VPS33B: variants seen among roughly 807,000 people sequenced by gnomAD.
The protein encoded by VPS33B is vacuolar protein sorting-associated protein 33B.
Under a neutral mutation model 95.3 loss-of-function variants are expected in VPS33B, and 80 were observed. The observed-to-expected ratio is 0.84, with a 90% CI of 0.70 to 1.01. The LOEUF (loss-of-function observed/expected upper bound fraction) is 1.01, where lower values mean the gene tolerates loss of function less well. Ranked by LOEUF, VPS33B falls within the 50% of genes least tolerant of loss-of-function variation. The pLI, the probability that VPS33B is intolerant of heterozygous loss-of-function variation, is 0.00. For missense variants in VPS33B, 715 were observed against 773.4 expected (o/e 0.92, Z 0.90); for synonymous variants, 280 against 280.4 (o/e 1.00, Z 0.01).
At position 91,022,316 on chromosome 15, in the gene VPS33B, A is replaced by C; in HGVS notation, c.-67T>G. 2 of 1,473,124 alleles carry C rather than the reference A, an allele frequency of 1.4e-6. No individual in the cohort carries two copies. The allele number at this position is 1,473,124 out of a possible 1,614,324, so 91.3% of individuals were successfully genotyped here. Reference sequence around the variant, plus strand: ...GTTCTGAGAAGGCCGGCCGCAGCCCAGGGAAGCGCAAGGGGGGCTATCCTT... The same window carrying C: ...GTTCTGAGAAGGCCGGCCGCAGCCCCGGGAAGCGCAAGGGGGGCTATCCTT... On this transcript the variant is annotated 5_prime_UTR_variant, in exon 1 of 23. Transcript: ENST00000333371.
intron 16 of VPS33B, among the ~76,000 whole-genome samples, chr15:91,004,208 G>A (rs1159072374): frequency 2.1e-5 from 3 of 145,084 alleles, no homozygotes; most frequent in Non-Finnish European, 3.0e-5. Context: ...AGGCAACAGA[G>A]CAAGACTCTG....
Position 91,005,580 on chromosome 15 carries a change from A to G in VPS33B, c.1030+114T>C. The G allele has an allele frequency of 6.4e-7, 1 of 1,574,470 alleles. No homozygotes were observed. Among genetic ancestry groups the G allele is most frequent in the Non-Finnish European group, 8.7e-7 (1 of 1,143,946 alleles). On this transcript the variant is annotated intron_variant, in intron 13 of 22. Coordinates refer to ENST00000333371, the MANE Select transcript of VPS33B (RefSeq NM_018668.5). This position sits in a 1 kb window ranked among gnomAD's most constrained non-coding sequence, Gnocchi z 6.4. ...CACTTCTTCCCACTTTACACCAAGT[A>G]AGACCATATGCATCAGATGAACAGG...
At chr15:91,016,589 A>G (rs960620592) in intron 3 of VPS33B, among the ~76,000 whole-genome samples, 2 of 151,882 alleles carry the variant, frequency 1.3e-5, no homozygotes, top group Admixed American at 1.3e-4. Flanking sequence ...TCACCATGAT[A>G]GCTAGGCTGG....
At position 91,017,819 on chromosome 15, in the gene VPS33B, C is replaced by T. The variant is rs763310786; in HGVS notation, c.163G>A (p.Val55Ile). 16 of 1,614,126 alleles carry T rather than the reference C, an allele frequency of 9.9e-6. No homozygotes were observed. The highest frequency in any genetic ancestry group is 1.3e-5 in the Non-Finnish European group (15 of 1,180,004). The change falls in exon 2 of 23, where the codon GTC becomes ATC. Residue 55 changes from valine to isoleucine, a missense_variant. Coordinates refer to ENST00000333371, the MANE Select transcript of VPS33B (RefSeq NM_018668.5). Reference protein sequence around the residue: ...LMSPLDRIANVSILKQHEVDK... With the variant: ...LMSPLDRIANISILKQHEVDK... ...AGGGACAGTACCTTCAGGATGGAGA[C>T]ATTGGCAATTCGATCCAAAGGGCTC...
At position 91,000,739 on chromosome 15, in the gene VPS33B, G is replaced by A. The variant is rs145734000; in HGVS notation, c.1480-148C>T. On this transcript the variant is annotated intron_variant, in intron 19 of 22. Transcript: ENST00000333371. The surrounding 1 kb of genome is among the most constrained non-coding windows in gnomAD (Gnocchi z 4.9). The stretch of plus-strand genomic sequence containing the variant: ...TAGCCCTGAAAAGAGAATCCATAAC[G>A]GAAGATGGCAGTTTTTGTTCAGTAA... 1.0e-5 allele frequency: 7 copies of A among 697,058 alleles called. No homozygotes were observed. Among genetic ancestry groups the A allele is most frequent in the African/African-American group, 3.6e-5 (2 of 55,876 alleles). The allele number at this position is 697,058 out of a possible 1,614,324, so 43.2% of individuals were successfully genotyped here.
chr15:91,007,893 C>G lies in VPS33B; in HGVS notation c.475G>C (p.Glu159Gln). Residue 159 changes from glutamate to glutamine, a missense_variant, in exon 7 of 23, where the codon GAA becomes CAA. Coordinates refer to ENST00000333371, the MANE Select transcript of VPS33B (RefSeq NM_018668.5). The surrounding 1 kb of genome is among the most constrained non-coding windows in gnomAD (Gnocchi z 5.3). ...DVDLLSMELPEFFRDYFLEGD... is the reference protein window; with the variant it reads ...DVDLLSMELPQFFRDYFLEGD... ...ACCAGAAAGTAATCCCTGAAAAATTCTGGTAGTTCCATGCTCAGCAGATCC... is the reference window on the plus strand; with the variant it reads ...ACCAGAAAGTAATCCCTGAAAAATTGTGGTAGTTCCATGCTCAGCAGATCC... 1 of 1,614,204 alleles carries G rather than the reference C, an allele frequency of 6.2e-7. No homozygotes were observed.
At position 91,007,841 on chromosome 15, in the gene VPS33B, T is replaced by G; in HGVS notation, c.498+29A>C. ...TCCCACATTTGTCCCCATCCCCTGA[T>G]GCCAAGACACAAGGGCCTCTGCATT... On this transcript the variant is annotated intron_variant, in intron 7 of 22. Transcript: ENST00000333371. The surrounding 1 kb of genome is among the most constrained non-coding windows in gnomAD (Gnocchi z 5.3). The G allele has an allele frequency of 2.5e-6, 4 of 1,605,124 alleles. No individual in the cohort carries two copies. Among genetic ancestry groups the G allele is most frequent in the Non-Finnish European group, 3.4e-6 (4 of 1,171,878 alleles).
At position 90,999,152 on chromosome 15, in the gene VPS33B, A is replaced by T; in HGVS notation, c.1775-98T>A. Reference sequence around the variant, plus strand: ...CCAGTTCCACAGTCCCCACGGGATCACAGCACCAGTTTATAGACAGAGACG... The same window carrying T: ...CCAGTTCCACAGTCCCCACGGGATCTCAGCACCAGTTTATAGACAGAGACG... On this transcript the variant is annotated intron_variant, in intron 22 of 22. Transcript: ENST00000333371. This position sits in a 1 kb window ranked among gnomAD's most constrained non-coding sequence, Gnocchi z 5.1. The T allele has an allele frequency of 1.8e-6, 2 of 1,101,896 alleles. No homozygotes were observed. The highest frequency in any genetic ancestry group is 2.7e-6 in the Non-Finnish European group (2 of 731,514). The allele number at this position is 1,101,896 out of a possible 1,614,324, so 68.3% of individuals were successfully genotyped here. A position where few individuals can be genotyped will look rare whatever the true frequency, so the allele number is the denominator to read the frequency against.
At position 91,013,940 on chromosome 15, in the gene VPS33B, C is replaced by T. The variant is rs933075271; in HGVS notation, c.290-69G>A. ...GTTATGCTAGAAACAGGGAAGCTGCCGGGCACAGTGGTTCACGCCTGTAAT... is the reference window on the plus strand; with the variant it reads ...GTTATGCTAGAAACAGGGAAGCTGCTGGGCACAGTGGTTCACGCCTGTAAT... On this transcript the variant is annotated intron_variant, in intron 4 of 22. Transcript: ENST00000333371. This position sits in a 1 kb window ranked among gnomAD's most constrained non-coding sequence, Gnocchi z 4.5. 43 of 1,581,324 alleles carry T rather than the reference C, an allele frequency of 2.7e-5. No homozygotes were observed. Among genetic ancestry groups the T allele is most frequent in the African/African-American group, 6.7e-5 (5 of 74,198 alleles).
At chr15:91,020,818 T>G (rs938369297) in intron 1 of VPS33B, among the ~76,000 whole-genome samples, 2 of 152,168 alleles carry the variant, frequency 1.3e-5, no homozygotes, top group Admixed American at 6.5e-5. Flanking sequence ...GAGGTGGAGG[T>G]TGCAGTTAGC....
chr15:91,012,474 A>G (rs1464291766), intron 5 of VPS33B, among the ~76,000 whole-genome samples: 1 of 152,214 alleles, frequency 6.6e-6, no homozygotes, highest in Non-Finnish European at 1.5e-5. Context: ...TACCTAACCC[A>G]AGACCACACA....
intron 17 of VPS33B, 31 bp downstream of exon 17, chr15:91,003,054 T>G: frequency 6.2e-7 from 1 of 1,613,378 alleles, no homozygotes; most frequent in African/African-American, 1.3e-5. Context: ...CTCCATCAAG[T>G]TCCCTCAAGA....
At chr15:91,017,726 C>T in intron 2 of VPS33B, 79 bp downstream of exon 2, 1 of 1,350,884 alleles carries the variant, frequency 7.4e-7, no homozygotes, top group Non-Finnish European at 1.1e-6. Flanking sequence ...AGAGTAGTCA[C>T]TCTTCAGTAG....
Position 91,006,200 on chromosome 15 carries a change from T to C in VPS33B, c.853-141A>G, listed in dbSNP as rs1330847958. ...CTGGGATCTGTAAGTCCATATCAAA[T>C]GCCTACACCGTGTTCTAGGAGATGC... On this transcript the variant is annotated intron_variant, in intron 11 of 22. Coordinates refer to ENST00000333371, the MANE Select transcript of VPS33B (RefSeq NM_018668.5). This position sits in a 1 kb window ranked among gnomAD's most constrained non-coding sequence, Gnocchi z 5.4. 7.6e-7 allele frequency: 1 copy of C among 1,321,276 alleles called. No individual in the cohort carries two copies. The highest frequency in any genetic ancestry group is 1.4e-5 in the African/African-American group (1 of 69,718). The allele number at this position is 1,321,276 out of a possible 1,614,324, so 81.8% of individuals were successfully genotyped here. A position where few individuals can be genotyped will look rare whatever the true frequency, so the allele number is the denominator to read the frequency against.
rs182422176 is a variant in VPS33B at position 90,999,857 on chromosome 15, C to T, written c.1657+43G>A. 1,074 of 1,613,744 alleles carry T rather than the reference C, an allele frequency of 6.7e-4. No homozygotes were observed. Among genetic ancestry groups the T allele is most frequent in the Non-Finnish European group, 8.5e-4 (999 of 1,179,664 alleles). On this transcript the variant is annotated intron_variant, in intron 21 of 22. Coordinates refer to ENST00000333371, the MANE Select transcript of VPS33B (RefSeq NM_018668.5). The surrounding 1 kb of genome is among the most constrained non-coding windows in gnomAD (Gnocchi z 5.1). Reference sequence around the variant, plus strand: ...GCTAGTCCTGAGTGGTGCATCCAGCCCACCTCTCACTGCCAGCCTACCCCA... The same window carrying T: ...GCTAGTCCTGAGTGGTGCATCCAGCTCACCTCTCACTGCCAGCCTACCCCA...
chr15:91,005,289 G>A lies in VPS33B; in HGVS notation c.1105+91C>T, dbSNP rs1351666456. The A allele has an allele frequency of 1.2e-6, 2 of 1,612,862 alleles. No homozygotes were observed. The highest frequency in any genetic ancestry group is 2.2e-5 in the East Asian group (1 of 44,854). On this transcript the variant is annotated intron_variant, in intron 14 of 22. Transcript: ENST00000333371. This position sits in a 1 kb window ranked among gnomAD's most constrained non-coding sequence, Gnocchi z 6.4. ...CCACATAGCCAGTGTCAGCTGGAAA[G>A]AGCCAGAGAACATCTTTTAAGGGTG...
At position 91,018,307 on chromosome 15, in the gene VPS33B, T is replaced by C. The variant is rs2041002075; in HGVS notation, c.97-422A>G. Among the ~76,000 whole-genome samples, 2 of 152,064 alleles carry C rather than the reference T, an allele frequency of 1.3e-5. No homozygotes were observed. Among genetic ancestry groups the C allele is most frequent in the Non-Finnish European group, 2.9e-5 (2 of 68,002 alleles). ...TAAGTACAAAATAAAATAGCACACG[T>C]TCACTGCAGAAAACTTAGCAAACCC... On this transcript the variant is annotated intron_variant, in intron 1 of 22. Coordinates refer to ENST00000333371, the MANE Select transcript of VPS33B (RefSeq NM_018668.5). This position sits in a 1 kb window ranked among gnomAD's most constrained non-coding sequence, Gnocchi z 4.7.
Position 91,007,938 on chromosome 15 carries a change from A to C in VPS33B, c.430T>G (p.Ser144Ala). ...AGATCCACATCAAGAGGCAGCAAAGAGAAGGCCCATTCATCACAGCTCACA... is the reference window on the plus strand; with the variant it reads ...AGATCCACATCAAGAGGCAGCAAAGCGAAGGCCCATTCATCACAGCTCACA... ...GDVSCDEWAF[S>A]LLPLDVDLLS... The change falls in exon 7 of 23, where the codon TCT becomes GCT. Residue 144 changes from serine (S) to alanine (A), a missense_variant. Transcript: ENST00000333371. This position sits in a 1 kb window ranked among gnomAD's most constrained non-coding sequence, Gnocchi z 5.3. 2 of 1,614,212 alleles carry C rather than the reference A, an allele frequency of 1.2e-6. No individual in the cohort carries two copies. Among genetic ancestry groups the C allele is most frequent in the South Asian group, 1.1e-5 (1 of 91,086 alleles).
intron 3 of VPS33B, 36 bp from the exon 4 acceptor site, chr15:91,014,469 A>G (rs1203998252): frequency 1.2e-6 from 2 of 1,611,072 alleles, no homozygotes; most frequent in Non-Finnish European, 8.5e-7. Context: ...AGTGAAGAAG[A>G]ATTATCAAGT....
Sources: gnomAD v4.1 joint callset for allele counts (sites outside exome capture counted in the v4.1 genomes callset) on GRCh38, gnomAD v4.1.1 for gene constraint, Gnocchi (gnomAD v3.1) non-coding constraint, MANE v1.5 for transcripts, NCBI Gene and HGNC (gene_info 2026-07-23, HGNC 2026-07-21) for gene names.